Variants in CIMAP2 observed in about 807,000 individuals in gnomAD.
CIMAP2 encodes ciliary microtubule associated protein 2, also known as ciliary microtubule-associated protein 2.
the CIMAP2 span, chr1:54,814,968 A>G: frequency 6.2e-7 from 1 of 1,614,186 alleles, no homozygotes; most frequent in Non-Finnish European, 8.5e-7. Flanking sequence ...CAAACCCGTC[A>G]ACCAGCCCCC....
chr1:54,811,772 T>TACCCCCCCCCCCCCC, the CIMAP2 span: 3 of 454,866 alleles, frequency 6.6e-6, no homozygotes, highest in Non-Finnish European at 1.3e-5. Flanking sequence ...ACAGCCTCCA[T>TACCCCCCCCCCCCCC]GCCCCCACCC....
the CIMAP2 span, among the ~76,000 whole-genome samples, chr1:54,821,886 C>CTTTTTTTTTTTTTT: frequency 1.5e-5 from 1 of 66,588 alleles, no homozygotes; most frequent in African/African-American, 6.2e-5. Context: ...CCTCTTATTT[C>CTTTTTTTTTTTTTT]TTTTTTTTTT....
chr1:54,817,367 A>G, the CIMAP2 span, among the ~76,000 whole-genome samples: 1 of 152,218 alleles, frequency 6.6e-6, no homozygotes, highest in African/African-American at 2.4e-5. Flanking sequence ...CTGTCAAAAG[A>G]GCAGATGTTT....
the CIMAP2 span, chr1:54,811,770 CAT>C: frequency 3.1e-5 from 16 of 524,238 alleles, no homozygotes; most frequent in Non-Finnish European, 5.3e-5. Flanking sequence ...TGACAGCCTC[CAT>C]GCCCCCACCC....
the CIMAP2 span, chr1:54,841,682 C>T: frequency 7.7e-5 from 124 of 1,603,444 alleles, no homozygotes; most frequent in Middle Eastern, 1.6e-4. Context: ...TGTAGGATCT[C>T]CTGTGAAGCA....
the CIMAP2 span, among the ~76,000 whole-genome samples, chr1:54,835,017 C>G: frequency 6.6e-6 from 1 of 152,132 alleles, no homozygotes; most frequent in Non-Finnish European, 1.5e-5. Context: ...ATGAGTATAC[C>G]TTCTCCTAAA....
chr1:54,835,664 C>A, the CIMAP2 span, among the ~76,000 whole-genome samples: 1 of 152,168 alleles, frequency 6.6e-6, no homozygotes, highest in East Asian at 1.9e-4. Context: ...TGTGCACCTA[C>A]TGTGTGCCAG....
the CIMAP2 span, chr1:54,807,666 C>T: frequency 3.1e-6 from 5 of 1,602,728 alleles, no homozygotes; most frequent in East Asian, 2.2e-5. Context: ...AGTACCAGGC[C>T]ATCATGAAAG....
the CIMAP2 span, among the ~76,000 whole-genome samples, chr1:54,835,284 T>C: frequency 6.6e-6 from 1 of 152,152 alleles, no homozygotes; most frequent in Non-Finnish European, 1.5e-5. Flanking sequence ...CTTGACCTCC[T>C]GGGCTCAAGC....
the CIMAP2 span, chr1:54,806,107 C>G: frequency 6.6e-7 from 1 of 1,518,948 alleles, no homozygotes; most frequent in African/African-American, 1.4e-5. Flanking sequence ...GGGCAGCGCG[C>G]AGGCCTGCCA....
At chr1:54,807,640 C>G in the CIMAP2 span, 1 of 1,610,794 alleles carries the variant, frequency 6.2e-7, no homozygotes, top group Non-Finnish European at 8.5e-7. Context: ...GCGGCTGACC[C>G]AGCTACCCCA....
chr1:54,809,931 C>T, the CIMAP2 span, among the ~76,000 whole-genome samples: 1 of 151,890 alleles, frequency 6.6e-6, no homozygotes, highest in Non-Finnish European at 1.5e-5. Context: ...CATTTCCACA[C>T]TCCCCCTCTC....
At chr1:54,819,773 C>T in the CIMAP2 span, among the ~76,000 whole-genome samples, 11 of 136,074 alleles carry the variant, frequency 8.1e-5, no homozygotes, top group East Asian at 1.9e-3. Context: ...ACCCTCCCTC[C>T]CTCCCTTCCT....
the CIMAP2 span, among the ~76,000 whole-genome samples, chr1:54,816,471 T>A: frequency 1.2e-4 from 19 of 152,158 alleles, no homozygotes; most frequent in African/African-American, 4.3e-4. Flanking sequence ...CTGTATTCCC[T>A]TCCTAGGGCT....
the CIMAP2 span, among the ~76,000 whole-genome samples, chr1:54,838,528 A>G: frequency 3.3e-5 from 5 of 151,994 alleles, no homozygotes; most frequent in African/African-American, 1.2e-4. Flanking sequence ...AAGCTCTGTG[A>G]GGTATGTAAT....
the CIMAP2 span, chr1:54,812,009 C>G: frequency 1.9e-6 from 3 of 1,614,104 alleles, no homozygotes; most frequent in Non-Finnish European, 2.5e-6. Context: ...GGAAGCTGAG[C>G]TCTCCTGCAG....
At chr1:54,811,765 G>GCCGGGGGGGGGGCCCCCCCCCCCCCCC in the CIMAP2 span, 12 of 1,301,306 alleles carry the variant, frequency 9.2e-6, no homozygotes, top group East Asian at 7.4e-5. Flanking sequence ...GGTTCTGACA[G>GCCGGGGGGGGGGCCCCCCCCCCCCCCC]CCTCCATGCC....
At chr1:54,812,837 T>C in the CIMAP2 span, among the ~76,000 whole-genome samples, 1 of 152,194 alleles carries the variant, frequency 6.6e-6, no homozygotes, top group African/African-American at 2.4e-5. Context: ...ACTTACATTC[T>C]AGTGGGGAAA....
At chr1:54,840,895 C>G in the CIMAP2 span, among the ~76,000 whole-genome samples, 2 of 152,250 alleles carry the variant, frequency 1.3e-5, no homozygotes, top group South Asian at 2.1e-4. Flanking sequence ...TCCCAGATAT[C>G]CAGAAGGATT....
Sources: allele counts gnomAD v4.1 joint callset (sites outside exome capture counted in the v4.1 genomes callset), GRCh38; gene constraint gnomAD v4.1.1; transcripts MANE v1.5; gene names NCBI Gene and HGNC (gene_info 2026-07-23, HGNC 2026-07-21).